ANK3: variants seen among roughly 807,000 people sequenced by gnomAD.
ANK3 encodes the protein ankyrin-3.
In ANK3, 57 loss-of-function variants were observed where a neutral mutation model predicts 370.9. That is an observed-to-expected ratio of 0.15 (90% CI 0.12 to 0.19). The LOEUF (loss-of-function observed/expected upper bound fraction) is 0.19. Among genes scored for constraint, ANK3 ranks in the 10% least tolerant of loss-of-function variants. The pLI is 1.00. For missense variants in ANK3, 4,439 were observed against 5,302.1 expected, an observed-to-expected ratio of 0.84 and a Z score of 5.06; for synonymous variants, 1,929 against 1,946.3, an observed-to-expected ratio of 0.99 and a Z score of 0.23.
chr10:60,501,621 T>C (rs10994387), intron 2 of ANK3, among the ~76,000 whole-genome samples: 4,016 of 150,716 alleles, frequency 0.027, 140 homozygotes, highest in African/African-American at 0.076. Flanking sequence ...AGAAGAAATG[T>C]TTGAACCCTG....
intron 1 of ANK3, among the ~76,000 whole-genome samples, chr10:60,359,491 C>T (rs905592437): frequency 1.3e-5 from 2 of 152,184 alleles, no homozygotes; most frequent in Non-Finnish European, 2.9e-5. Flanking sequence ...CTAAAGCACC[C>T]TATCATATAC....
At chr10:60,118,720 A>G (rs2093281157) in intron 25 of ANK3, among the ~76,000 whole-genome samples, 1 of 152,128 alleles carries the variant, frequency 6.6e-6, no homozygotes, top group Admixed American at 6.6e-5. Flanking sequence ...GCCTAAGGTT[A>G]TTTTTCACAA....
chr10:60,649,845 C>T (rs1020977924), intron 1 of ANK3, among the ~76,000 whole-genome samples: 7 of 152,312 alleles, frequency 4.6e-5, no homozygotes, highest in South Asian at 2.1e-4. Flanking sequence ...TATCTCCCTG[C>T]CTGTTCCCTT....
intron 24 of ANK3, among the ~76,000 whole-genome samples, chr10:60,138,136 G>A (rs1166235205): frequency 2.0e-5 from 3 of 152,078 alleles, no homozygotes; most frequent in Non-Finnish European, 4.4e-5. Flanking sequence ...AAACTCCAGG[G>A]TTTACTTTGT....
chr10:60,213,541 A>T, intron 8 of ANK3, 31 bp from the exon 9 acceptor site: 1 of 1,469,942 alleles, frequency 6.8e-7, no homozygotes, highest in Non-Finnish European at 9.4e-7. Context: ...CACCAATTAA[A>T]TTTGACAATA....
chr10:60,581,610 T>A (rs532823692), intron 2 of ANK3, among the ~76,000 whole-genome samples: 1 of 151,362 alleles, frequency 6.6e-6, no homozygotes, highest in Non-Finnish European at 1.5e-5. Context: ...TTTTTTTTTT[T>A]GTAGTTTTTA....
At chr10:60,051,268 G>A (rs2077936278) in intron 42 of ANK3, among the ~76,000 whole-genome samples, 1 of 152,104 alleles carries the variant, frequency 6.6e-6, no homozygotes, top group South Asian at 2.1e-4. Context: ...TATCAAATAG[G>A]CCTATACAGA....
intron 23 of ANK3, among the ~76,000 whole-genome samples, chr10:60,160,911 C>G (rs1006328890): frequency 1.3e-5 from 2 of 152,012 alleles, no homozygotes; most frequent in African/African-American, 4.8e-5. Context: ...AAGCTGTAAA[C>G]AACAGGCCCA....
At chr10:60,324,662 T>G (rs2049400901) in intron 1 of ANK3, among the ~76,000 whole-genome samples, 1 of 152,138 alleles carries the variant, frequency 6.6e-6, no homozygotes, top group South Asian at 2.1e-4. Context: ...TCTCCTAATT[T>G]TTTTTCTTTT....
intron 1 of ANK3, among the ~76,000 whole-genome samples, chr10:60,317,327 G>A (rs1375290115): frequency 2.0e-5 from 3 of 151,708 alleles, no homozygotes; most frequent in Admixed American, 6.6e-5. Flanking sequence ...GTTTTGCCAC[G>A]ATAGCCAGAC....
Position 60,074,108 on chromosome 10 carries a change from G to C in ANK3, c.6773C>G (p.Pro2258Arg), listed in dbSNP as rs1259099716. The change falls in exon 37 of 44, where the codon CCA (proline) becomes CGA (arginine). Residue 2258 changes from proline to arginine, a missense_variant. By Grantham distance (103) the Pro-to-Arg change is moderately radical. Around this residue, in one of 13 missense-constraint regions of ANK3, gnomAD observed 1,601 missense variants for 1,731.7 expected, o/e 0.92. Transcript: ENST00000280772. ...TTTRMVYHSP[P>R]GGEGASERIE... ...TCTTTCAGATGCACCTTCACCGCCT[G>C]GTGGAGAATGATAAACCATTCTGGT... 2 of 1,613,944 alleles carry C rather than the reference G, an allele frequency of 1.2e-6. No individual in the cohort carries two copies. Among genetic ancestry groups the C allele is most frequent in the East Asian group, 2.2e-5 (1 of 44,874 alleles).
chr10:60,115,518 G>A (rs10218875), intron 25 of ANK3, among the ~76,000 whole-genome samples: 104,333 of 152,102 alleles, frequency 0.69, 36,496 homozygotes, highest in East Asian at 0.93. Flanking sequence ...AGGCCATCCC[G>A]ATTCTGAGGT....
Position 60,208,183 on chromosome 10 carries a change from G to A in ANK3, c.1047C>T (p.Cys349=), listed in dbSNP as rs117138204. The stretch of plus-strand genomic sequence containing the variant: ...CATTATGCTGGAGGAGAAGCTGGAC[G>A]CAGTTTAAATGATCCCCTTGTGTGG... ...HMATQGDHLN[C]VQLLLQHNVP... The change falls in exon 10 of 44, where the codon TGC becomes TGT. Residue 349 remains cysteine (C), a synonymous_variant. Transcript: ENST00000280772. 6.3e-3 allele frequency: 10,231 copies of A among 1,614,104 alleles called. 59 individuals carry two copies. The highest frequency in any genetic ancestry group is 7.9e-3 in the Middle Eastern group (48 of 6,062).
At chr10:60,224,539 G>T (rs1190600161) in intron 8 of ANK3, among the ~76,000 whole-genome samples, 1 of 152,174 alleles carries the variant, frequency 6.6e-6, no homozygotes, top group Non-Finnish European at 1.5e-5. Flanking sequence ...TGTGTCTTTA[G>T]CAGGTCAAAT....
intron 5 of ANK3, among the ~76,000 whole-genome samples, chr10:60,269,879 C>T (rs1042299872): frequency 3.3e-5 from 5 of 151,848 alleles, no homozygotes; most frequent in East Asian, 1.9e-4. Context: ...CAAGCAAATA[C>T]GTTAAATATT....
intron 1 of ANK3, among the ~76,000 whole-genome samples, chr10:60,373,808 T>C (rs999010959): frequency 1.3e-5 from 2 of 152,082 alleles, no homozygotes; most frequent in African/African-American, 2.4e-5. Flanking sequence ...GTTCTAGCAC[T>C]GAAAGTGGAA....
chr10:60,335,426 C>G (rs1041095871), intron 1 of ANK3, among the ~76,000 whole-genome samples: 3 of 151,874 alleles, frequency 2.0e-5, no homozygotes, highest in Non-Finnish European at 4.4e-5. Context: ...TTGTTCTTTT[C>G]TAGACCATCT....
chr10:60,677,111 C>A (rs1440696835), intron 1 of ANK3, among the ~76,000 whole-genome samples: 1 of 152,128 alleles, frequency 6.6e-6, no homozygotes, highest in African/African-American at 2.4e-5. Context: ...GTTCCCAGAG[C>A]AGAGGGTGGC....
chr10:60,317,192 G>A (rs185408564), intron 1 of ANK3, among the ~76,000 whole-genome samples: 1 of 152,294 alleles, frequency 6.6e-6, no homozygotes, highest in African/African-American at 2.4e-5. Context: ...CCAGGCTGGA[G>A]TACAGTGGTG....
Sources: allele counts gnomAD v4.1 joint callset (sites outside exome capture counted in the v4.1 genomes callset), GRCh38; gene constraint gnomAD v4.1.1; regional missense constraint gnomAD v4.1.1; transcripts MANE v1.5; gene names NCBI Gene and HGNC (gene_info 2026-07-23, HGNC 2026-07-21).